The following SMARCC1 variants were observed in gnomAD, a reference collection of about 807,000 sequenced individuals.
The protein encoded by SMARCC1 is SWI/SNF related BAF chromatin remodeling complex subunit C1, also known as SWI/SNF complex subunit SMARCC1.
Under a neutral mutation model 147.4 loss-of-function variants are expected in SMARCC1, and 43 were observed. The observed-to-expected ratio is 0.29, with a 90% confidence interval of 0.23 to 0.38. The LOEUF (loss-of-function observed/expected upper bound fraction) is 0.38. Among genes scored for constraint, SMARCC1 ranks in the 10% least tolerant of loss-of-function variants. The pLI is 1.00. For missense variants in SMARCC1, 1,119 were observed against 1,381.1 expected, an observed-to-expected ratio of 0.81 and a Z score of 3.01; for synonymous variants, 495 against 484.4, an observed-to-expected ratio of 1.02 and a Z score of -0.29.
At chr3:47,616,548 T>C (rs2106678160) in intron 25 of SMARCC1, among the ~76,000 whole-genome samples, 1 of 152,008 alleles carries the variant, frequency 6.6e-6, no homozygotes, top group African/African-American at 2.4e-5. Flanking sequence ...CGGGTTCAAG[T>C]GGTTCTCCTG....
intron 21 of SMARCC1, among the ~76,000 whole-genome samples, chr3:47,652,913 T>G (rs1000375950): frequency 2.0e-5 from 3 of 151,442 alleles, no homozygotes; most frequent in African/African-American, 7.3e-5. Flanking sequence ...AATATAAATG[T>G]AAGAGGTGTT....
At chr3:47,680,228 AC>A in intron 15 of SMARCC1, 1 of 467,010 alleles carries the variant, frequency 2.1e-6, no homozygotes, top group Non-Finnish European at 3.8e-6. Flanking sequence ...TCTCAAACAA[AC>A]ACCAAAAAAA....
chr3:47,694,494 G>A (rs1317298244), intron 11 of SMARCC1, among the ~76,000 whole-genome samples: 1 of 152,108 alleles, frequency 6.6e-6, no homozygotes, highest in African/African-American at 2.4e-5. Context: ...CAGCTGCTCG[G>A]GAGGCTAAGG....
At chr3:47,733,302 G>C (rs2034398737) in intron 5 of SMARCC1, among the ~76,000 whole-genome samples, 1 of 152,142 alleles carries the variant, frequency 6.6e-6, no homozygotes, top group Non-Finnish European at 1.5e-5. Context: ...TGCAGGGCGG[G>C]TTCTGCGGCT....
At chr3:47,672,719 C>T (rs2033516781) in intron 18 of SMARCC1, among the ~76,000 whole-genome samples, 1 of 152,162 alleles carries the variant, frequency 6.6e-6, no homozygotes, top group Non-Finnish European at 1.5e-5. Flanking sequence ...TTCTCCACTT[C>T]TCAGCCACAA....
chr3:47,704,432 C>T (rs898534260), intron 10 of SMARCC1, among the ~76,000 whole-genome samples: 1 of 151,998 alleles, frequency 6.6e-6, no homozygotes, highest in African/African-American at 2.4e-5. Flanking sequence ...ATCTGGTATG[C>T]GTTATATTCA....
intron 24 of SMARCC1, among the ~76,000 whole-genome samples, chr3:47,627,701 T>C (rs948492281): frequency 3.9e-5 from 6 of 152,122 alleles, no homozygotes; most frequent in Non-Finnish European, 8.8e-5. Context: ...AGCTTTCTAC[T>C]AGACATGAGG....
chr3:47,687,040 T>G (rs1162917623), intron 13 of SMARCC1, among the ~76,000 whole-genome samples: 1 of 152,188 alleles, frequency 6.6e-6, no homozygotes, highest in Non-Finnish European at 1.5e-5. Flanking sequence ...TTTACAATGG[T>G]TCCACAATTT....
chr3:47,718,309 G>A (rs2034184598), intron 7 of SMARCC1, among the ~76,000 whole-genome samples: 1 of 152,134 alleles, frequency 6.6e-6, no homozygotes, highest in Admixed American at 6.6e-5. Context: ...GCCAGGTGTG[G>A]TGGCATGCGC....
At chr3:47,714,163 A>C (rs76678333) in intron 8 of SMARCC1, among the ~76,000 whole-genome samples, 2,036 of 152,318 alleles carry the variant, frequency 0.013, 45 homozygotes, top group African/African-American at 0.046. Flanking sequence ...CGGGAGGCTG[A>C]GGCCAGCCTG....
At chr3:47,680,758 G>A (rs2033634720) in intron 14 of SMARCC1, among the ~76,000 whole-genome samples, 2 of 151,576 alleles carry the variant, frequency 1.3e-5, no homozygotes, top group Admixed American at 1.3e-4. Context: ...TGTTTTAGCT[G>A]GGATGGTCTC....
intron 24 of SMARCC1, among the ~76,000 whole-genome samples, chr3:47,627,100 A>G (rs2032821431): frequency 6.6e-6 from 1 of 152,206 alleles, no homozygotes; most frequent in Non-Finnish European, 1.5e-5. Flanking sequence ...CAATTTTGCT[A>G]TTGTAAAATA....
At chr3:47,619,426 A>T (rs906650902) in intron 25 of SMARCC1, among the ~76,000 whole-genome samples, 32 of 152,234 alleles carry the variant, frequency 2.1e-4, no homozygotes, top group Non-Finnish European at 3.5e-4. Flanking sequence ...TGAACTGGTG[A>T]TTACAGTGCA....
chr3:47,775,569 C>G (rs1158063034), intron 1 of SMARCC1, among the ~76,000 whole-genome samples: 1 of 150,438 alleles, frequency 6.6e-6, no homozygotes, highest in East Asian at 2.0e-4. Flanking sequence ...GTCAGGAGAT[C>G]AAGACCAACC....
At position 47,610,224 on chromosome 3, in the gene SMARCC1, T is replaced by A; in HGVS notation, c.2885A>T (p.Gln962Leu). 2 of 1,614,230 alleles carry A rather than the reference T, an allele frequency of 1.2e-6. No homozygotes were observed. The highest frequency in any genetic ancestry group is 1.7e-6 in the Non-Finnish European group (2 of 1,180,052). Residue 962 changes from glutamine to leucine, a missense_variant, in exon 26 of 28, where the codon CAG (glutamine) becomes CTG (leucine). Transcript: ENST00000254480. Reference protein sequence around the residue: ...LRARQQMEQQQHGQNPQQAHQ... With the variant: ...LRARQQMEQQLHGQNPQQAHQ... ...TGCCTGTTGAGGGTTCTGGCCATGC[T>A]GCTGCTGTTCCATTTGCTGTCGTGC...
chr3:47,684,833 C>T (rs2033701061), intron 14 of SMARCC1, among the ~76,000 whole-genome samples: 1 of 152,006 alleles, frequency 6.6e-6, no homozygotes. Context: ...TGGACAGGGC[C>T]ATTAAGTTTT....
At chr3:47,754,904 A>G (rs1361708252) in intron 2 of SMARCC1, among the ~76,000 whole-genome samples, 1 of 152,120 alleles carries the variant, frequency 6.6e-6, no homozygotes, top group African/African-American at 2.4e-5. Flanking sequence ...TTAGTCAGGC[A>G]TGGTGGCGGG....
In SMARCC1 at chr3:47,593,015, C is replaced by T. The variant is rs2032211181; in HGVS notation, c.3044-2178G>A. Among the ~76,000 whole-genome samples the T allele has an allele frequency of 4.0e-5, 6 of 151,524 alleles. No individual in the cohort carries two copies. The South Asian group carries it at 1.0e-3, about 26-fold the overall frequency. ...TTTTATTTTTTATTTTTAGTAGAGACGGGGTTTCACTATGTTGGCCAAGCT... is the reference window on the plus strand; with the variant it reads ...TTTTATTTTTTATTTTTAGTAGAGATGGGGTTTCACTATGTTGGCCAAGCT... On this transcript the variant is annotated intron_variant, in intron 26 of 27. Transcript: ENST00000254480.
intron 16 of SMARCC1, among the ~76,000 whole-genome samples, chr3:47,677,465 T>C (rs2106757361): frequency 6.7e-6 from 1 of 148,698 alleles, no homozygotes; most frequent in Non-Finnish European, 1.5e-5. Flanking sequence ...CCAACCTGAA[T>C]CCACTCCATC....
Sources: allele counts gnomAD v4.1 joint callset (sites outside exome capture counted in the v4.1 genomes callset), GRCh38; gene constraint gnomAD v4.1.1; transcripts MANE v1.5; gene names NCBI Gene and HGNC (gene_info 2026-07-23, HGNC 2026-07-21).